The following FAM227B variants were observed in gnomAD, a reference collection of about 807,000 sequenced individuals.
The protein encoded by FAM227B is family with sequence similarity 227 member B.
A neutral mutation model predicts 73.8 loss-of-function variants in FAM227B; 88 were observed. The ratio of observed to expected loss-of-function variants is 1.19; its 90% CI spans 1.00 to 1.42. The LOEUF is 1.42. Ranked by LOEUF, FAM227B falls within the 40% of genes most tolerant of loss-of-function variation. The pLI is 0.00. For missense variants in FAM227B, 632 were observed against 590.9 expected (o/e 1.07, Z -0.72); for synonymous variants, 210 against 190.5 (o/e 1.10, Z -0.84).
chr15:49,337,508 CTTTTTT>C (rs33973907), intron 13 of FAM227B, among the ~76,000 whole-genome samples: 85 of 36,082 alleles, frequency 2.4e-3, no homozygotes, highest in African/African-American at 1.0e-2. Flanking sequence ...CATTTACCCA[CTTTTTT>C]TTTTTTTTTT....
At chr15:49,469,848 C>G (rs928728473) in intron 11 of FAM227B, among the ~76,000 whole-genome samples, 1 of 151,962 alleles carries the variant, frequency 6.6e-6, no homozygotes, top group African/African-American at 2.4e-5. Flanking sequence ...TTTTACGACT[C>G]TAAGAAGTCA....
intron 10 of FAM227B, among the ~76,000 whole-genome samples, chr15:49,534,272 A>C (rs895110567): frequency 6.6e-6 from 1 of 151,846 alleles, no homozygotes; most frequent in Non-Finnish European, 1.5e-5. Context: ...TTCACCTCTC[A>C]ATATTACCAT....
chr15:49,591,035 T>A (rs2076511944), intron 3 of FAM227B, among the ~76,000 whole-genome samples: 1 of 141,998 alleles, frequency 7.0e-6, no homozygotes, highest in Admixed American at 7.3e-5. Flanking sequence ...TTTTGTTTTT[T>A]TTTTTTTTGA....
At chr15:49,577,507 C>G (rs2075531031) in intron 6 of FAM227B, 122 bp downstream of exon 6, 3 of 573,672 alleles carry the variant, frequency 5.2e-6, no homozygotes, top group South Asian at 3.0e-5. Context: ...ATACCTGTTT[C>G]CAACTCTCTC....
intron 11 of FAM227B, among the ~76,000 whole-genome samples, chr15:49,439,908 C>T (rs1446113945): frequency 6.6e-6 from 1 of 151,694 alleles, no homozygotes; most frequent in African/African-American, 2.4e-5. Flanking sequence ...GAGATTTTGA[C>T]ATGAAGTTTG....
Position 49,366,797 on chromosome 15 carries a change from T to TCGCCGCTGCTGCAGGGGC in FAM227B, c.1271+633_1271+650dup, listed in dbSNP as rs2045291235. ...CGGGGGCGGCCGGGCTAGGCTGGGA[T>TCGCCGCTGCTGCAGGGGC]CGCCGCTGCTGCAGGGGCCGCCACT... On this transcript the variant is annotated intron_variant, in intron 13 of 15. Transcript: ENST00000299338. 1.0e-5 allele frequency: 6 copies of TCGCCGCTGCTGCAGGGGC among 573,364 alleles called. No homozygotes were observed. In the East Asian group the frequency reaches 1.3e-4, roughly 12 times the overall value. The allele number at this position is 573,364 out of a possible 1,614,324, so 35.5% of individuals were successfully genotyped here.
intron 3 of FAM227B, among the ~76,000 whole-genome samples, chr15:49,591,355 C>T (rs1204418359): frequency 6.9e-6 from 1 of 144,930 alleles, no homozygotes; most frequent in East Asian, 2.3e-4. Flanking sequence ...TAGGTGTGAG[C>T]CACCACACCC....
chr15:49,566,172 T>G (rs1239089246), intron 9 of FAM227B, among the ~76,000 whole-genome samples: 1 of 152,250 alleles, frequency 6.6e-6, no homozygotes, highest in Non-Finnish European at 1.5e-5. Flanking sequence ...ATGGTATTCT[T>G]TTAAGATCTC....
At chr15:49,360,869 T>C (rs1489818508) in intron 13 of FAM227B, among the ~76,000 whole-genome samples, 1 of 152,188 alleles carries the variant, frequency 6.6e-6, no homozygotes, top group Non-Finnish European at 1.5e-5. Flanking sequence ...ACTCCTGTGA[T>C]GTGAAATTTC....
intron 10 of FAM227B, among the ~76,000 whole-genome samples, chr15:49,538,911 G>C (rs2070657066): frequency 7.3e-6 from 1 of 137,236 alleles, no homozygotes; most frequent in Non-Finnish European, 1.5e-5. Flanking sequence ...TAATTATTTT[G>C]AATTCTTTAT....
At chr15:49,341,617 A>G (rs2040742793) in intron 13 of FAM227B, among the ~76,000 whole-genome samples, 1 of 152,138 alleles carries the variant, frequency 6.6e-6, no homozygotes, top group Non-Finnish European at 1.5e-5. Flanking sequence ...CTCCCAAAGT[A>G]CTGGGATTAC....
At chr15:49,467,123 G>T (rs549132254) in intron 11 of FAM227B, among the ~76,000 whole-genome samples, 2 of 152,256 alleles carry the variant, frequency 1.3e-5, no homozygotes, top group African/African-American at 4.8e-5. Flanking sequence ...TGGATGGTAA[G>T]TTTCACGGAG....
intron 8 of FAM227B, among the ~76,000 whole-genome samples, chr15:49,571,127 T>G (rs2075067615): frequency 6.6e-6 from 1 of 151,672 alleles, no homozygotes. Flanking sequence ...TGATTCTACT[T>G]TCAGTTTTTT....
At chr15:49,441,936 T>G (rs1240270658) in intron 11 of FAM227B, among the ~76,000 whole-genome samples, 1 of 151,590 alleles carries the variant, frequency 6.6e-6, no homozygotes, top group African/African-American at 2.4e-5. Flanking sequence ...TGCTCAAGTA[T>G]TATAATTATT....
At chr15:49,534,084 T>C (rs1454379212) in intron 10 of FAM227B, among the ~76,000 whole-genome samples, 2 of 151,802 alleles carry the variant, frequency 1.3e-5, no homozygotes, top group South Asian at 2.1e-4. Context: ...TAAATCCTAT[T>C]ATAATTACAA....
At chr15:49,527,233 G>A (rs1483986067) in intron 10 of FAM227B, among the ~76,000 whole-genome samples, 1 of 151,850 alleles carries the variant, frequency 6.6e-6, no homozygotes, top group East Asian at 1.9e-4. Flanking sequence ...GATGGCTCAA[G>A]ATATGAAAAT....
chr15:49,468,012 C>T (rs191175233), intron 11 of FAM227B, among the ~76,000 whole-genome samples: 8 of 152,216 alleles, frequency 5.3e-5, no homozygotes, highest in Admixed American at 1.3e-4. Context: ...ATAGTTCTAA[C>T]GCTGCTGAAA....
intron 11 of FAM227B, among the ~76,000 whole-genome samples, chr15:49,396,878 A>G (rs2047708134): frequency 6.6e-6 from 1 of 152,192 alleles, no homozygotes. Context: ...AAAAGTAGAT[A>G]AAACCACAAA....
Position 49,511,968 on chromosome 15 carries a change from A to G in FAM227B, c.875-3620T>C, listed in dbSNP as rs1319317317. Among the ~76,000 whole-genome samples the G allele has an allele frequency of 3.9e-5, 6 of 152,142 alleles. No individual in the cohort carries two copies. The East Asian group carries it at 9.6e-4, about 24-fold the overall frequency. On this transcript the variant is annotated intron_variant, in intron 10 of 15. Coordinates refer to ENST00000299338, the MANE Select transcript of FAM227B (RefSeq NM_152647.3). ...TTTATATTTCTTTGGGTACGTACCCAGTGATCACAATGCCTCTCCAGCAAG... is the reference window on the plus strand; with the variant it reads ...TTTATATTTCTTTGGGTACGTACCCGGTGATCACAATGCCTCTCCAGCAAG...
Sources: allele counts gnomAD v4.1 joint callset (sites outside exome capture counted in the v4.1 genomes callset), GRCh38; gene constraint gnomAD v4.1.1; transcripts MANE v1.5; gene names NCBI Gene and HGNC (gene_info 2026-07-23, HGNC 2026-07-21).